CCDC66: variants seen among roughly 807,000 people sequenced by gnomAD.
CCDC66 encodes coiled-coil domain-containing protein 66.
CCDC66 carries 133 observed loss-of-function variants against 128.3 expected under a neutral mutation model. The ratio of observed to expected loss-of-function variants is 1.04; its 90% CI spans 0.90 to 1.20. CCDC66 has a LOEUF of 1.20. CCDC66 is among the 50% of genes most tolerant of loss of function. The pLI is 0.00. For missense variants in CCDC66, 1,126 were observed against 1,075.5 expected, an observed-to-expected ratio of 1.05 and a Z score of -0.66; for synonymous variants, 387 against 357.0, an observed-to-expected ratio of 1.08 and a Z score of -0.95.
chr3:56,560,200 T>G (rs540579381), intron 3 of CCDC66, among the ~76,000 whole-genome samples: 1 of 152,208 alleles, frequency 6.6e-6, no homozygotes, highest in African/African-American at 2.4e-5. Flanking sequence ...CAGAAATCTA[T>G]TGTGCTTTTT....
chr3:56,613,592 G>A lies in CCDC66; in HGVS notation c.1408G>A (p.Ala470Thr). 1 of 1,609,466 alleles carries A rather than the reference G, an allele frequency of 6.2e-7. No individual in the cohort carries two copies. The part of the protein sequence containing the change: ...RRQKQLEHQK[A>T]ITAQVEEKRR... ...TTACGTGATTGCTTATGACTAGAAAGCCATCACTGCCCAGGTAGAAGAGAA... is the reference window on the plus strand; with the variant it reads ...TTACGTGATTGCTTATGACTAGAAAACCATCACTGCCCAGGTAGAAGAGAA... The change falls in exon 11 of 18, where the codon GCC becomes ACC. Residue 470 changes from alanine to threonine, a missense_variant. Coordinates refer to ENST00000394672, the MANE Select transcript of CCDC66 (RefSeq NM_001141947.3).
chr3:56,589,497 G>A (rs937377770), intron 7 of CCDC66, among the ~76,000 whole-genome samples: 2 of 152,086 alleles, frequency 1.3e-5, no homozygotes, highest in Non-Finnish European at 2.9e-5. Context: ...AATAAATCAT[G>A]ATGAGTTGGG....
intron 3 of CCDC66, chr3:56,561,490 A>G (rs184903443): frequency 3.4e-5 from 11 of 323,390 alleles, no homozygotes; most frequent in African/African-American, 2.2e-4. Context: ...AAGAGTAACT[A>G]CTGTGTTCTC....
rs532958799 is a variant in CCDC66, at chr3:56,592,209, A to T, written c.937-761A>T. Among the ~76,000 whole-genome samples, 3 of 152,354 alleles carry T rather than the reference A, an allele frequency of 2.0e-5. No homozygotes were observed. In the East Asian group the frequency reaches 5.8e-4, roughly 29 times the overall value. ...TAGAGAGAGACATGATTCAATAGGGAAAGTCTCTTGCTCTCACACATCTTT... is the reference window on the plus strand; with the variant it reads ...TAGAGAGAGACATGATTCAATAGGGTAAGTCTCTTGCTCTCACACATCTTT... On this transcript the variant is annotated intron_variant, in intron 7 of 17. Coordinates refer to ENST00000394672, the MANE Select transcript of CCDC66 (RefSeq NM_001141947.3).
At chr3:56,584,361 C>T (rs1386874748) in intron 7 of CCDC66, among the ~76,000 whole-genome samples, 1 of 150,234 alleles carries the variant, frequency 6.7e-6, no homozygotes, top group Non-Finnish European at 1.5e-5. Flanking sequence ...TAGAGGGGCT[C>T]CTCACTTCTC....
chr3:56,587,213 TAA>T (rs2069937598), intron 7 of CCDC66, among the ~76,000 whole-genome samples: 1 of 151,872 alleles, frequency 6.6e-6, no homozygotes, highest in Non-Finnish European at 1.5e-5. Flanking sequence ...ATATTCAAAG[TAA>T]AAAGTGAGAA....
chr3:56,605,549 T>C (rs1026846238), intron 10 of CCDC66, among the ~76,000 whole-genome samples: 3 of 151,956 alleles, frequency 2.0e-5, no homozygotes, highest in Non-Finnish European at 4.4e-5. Flanking sequence ...TCTGCTGGAG[T>C]TTGCTGGAGG....
intron 2 of CCDC66, 129 bp from the exon 3 acceptor site, chr3:56,559,440 A>G (rs2064809510): frequency 1.7e-6 from 1 of 601,722 alleles, no homozygotes; most frequent in East Asian, 3.3e-5. Flanking sequence ...GTCAAGATCT[A>G]AAGTTTATGC....
intron 4 of CCDC66, among the ~76,000 whole-genome samples, chr3:56,566,129 T>C (rs1330830537): frequency 6.6e-6 from 1 of 151,940 alleles, no homozygotes; most frequent in African/African-American, 2.4e-5. Flanking sequence ...TTGTTTTGTT[T>C]TGTTTTGTTT....
rs150514072 is a variant in CCDC66, at chr3:56,603,480, G to A, written c.1404+9452G>A. Among the ~76,000 whole-genome samples, 1,403 of 152,062 alleles carry A rather than the reference G, an allele frequency of 9.2e-3. 39 individuals are homozygous for A. Among genetic ancestry groups the A allele is most frequent in the African/African-American group, 0.032 (1,310 of 41,400 alleles). ...AAATGTGTCCCATAGATTTTGGTACGTTGTCTCTTTGTTCTCATTGGTTTC... is the reference window on the plus strand; with the variant it reads ...AAATGTGTCCCATAGATTTTGGTACATTGTCTCTTTGTTCTCATTGGTTTC... On this transcript the variant is annotated intron_variant, in intron 10 of 17. Transcript: ENST00000394672.
rs148232314 is a variant in CCDC66, at chr3:56,575,190, G to A, written c.936+3888G>A. ...TTGTGTTAAACTGCTTTCCACAGCA[G>A]CTGTACCATGTATATTTCCATCAGC... On this transcript the variant is annotated intron_variant, in intron 7 of 17. Coordinates refer to ENST00000394672, the MANE Select transcript of CCDC66 (RefSeq NM_001141947.3). Among the ~76,000 whole-genome samples the A allele has an allele frequency of 5.8e-3, 887 of 151,912 alleles. 17 individuals carry two copies. Among genetic ancestry groups the A allele is most frequent in the African/African-American group, 0.021 (855 of 41,512 alleles).
chr3:56,597,085 G>A (rs1227888069), intron 10 of CCDC66, among the ~76,000 whole-genome samples: 1 of 151,828 alleles, frequency 6.6e-6, no homozygotes, highest in East Asian at 1.9e-4. Flanking sequence ...AATATGGTGA[G>A]AGATGGGGCT....
At chr3:56,609,694 T>G (rs1165919117) in intron 10 of CCDC66, among the ~76,000 whole-genome samples, 1 of 152,218 alleles carries the variant, frequency 6.6e-6, no homozygotes, top group Non-Finnish European at 1.5e-5. Context: ...TCCTCCTGTG[T>G]GATTTATGTT....
chr3:56,559,443 G>C, intron 2 of CCDC66, 126 bp from the exon 3 acceptor site: 1 of 613,472 alleles, frequency 1.6e-6, no homozygotes, highest in Admixed American at 3.8e-5. Context: ...AAGATCTAAA[G>C]TTTATGCTTT....
chr3:56,573,361 C>T (rs906811444), intron 7 of CCDC66, among the ~76,000 whole-genome samples: 63 of 152,198 alleles, frequency 4.1e-4, no homozygotes, highest in African/African-American at 1.5e-3. Flanking sequence ...TGCAGCATGG[C>T]CATTCTGACA....
Position 56,563,784 on chromosome 3 carries a change from T to G in CCDC66, c.203T>G (p.Leu68Trp). 1 of 1,551,986 alleles carries G rather than the reference T, an allele frequency of 6.4e-7. No individual in the cohort carries two copies. The highest frequency in any genetic ancestry group is 8.7e-7 in the Non-Finnish European group (1 of 1,147,030). ...ACTTGTATTGGGAGTGAAAAACTTT[T>G]GCAAAAGAAGCCAGTTGGTTCAGAA... ...QDTCIGSEKL[L>W]QKKPVGSETS... Residue 68 changes from leucine to tryptophan, a missense_variant, in exon 4 of 18, where the codon TTG becomes TGG. Leu to Trp is a moderately conservative substitution (Grantham distance 61). Coordinates refer to ENST00000394672, the MANE Select transcript of CCDC66 (RefSeq NM_001141947.3).
At chr3:56,611,068 C>T (rs1394571520) in intron 10 of CCDC66, among the ~76,000 whole-genome samples, 1 of 152,070 alleles carries the variant, frequency 6.6e-6, no homozygotes, top group Non-Finnish European at 1.5e-5. Context: ...TGGTGCTTTC[C>T]AGAAAGCATC....
chr3:56,572,560 A>C (rs2066781362), intron 7 of CCDC66: 1 of 84,336 alleles, frequency 1.2e-5, no homozygotes, highest in Non-Finnish European at 2.6e-5. Context: ...TGAGTGTATT[A>C]TGCTTCATTT....
At chr3:56,602,701 T>G (rs1016094775) in intron 10 of CCDC66, among the ~76,000 whole-genome samples, 3 of 151,940 alleles carry the variant, frequency 2.0e-5, no homozygotes, top group African/African-American at 7.3e-5. Context: ...TGGTTTAGAC[T>G]TGGGAGGGTG....
Sources: gnomAD v4.1 joint callset for allele counts (sites outside exome capture counted in the v4.1 genomes callset) on GRCh38, gnomAD v4.1.1 for gene constraint, MANE v1.5 for transcripts, NCBI Gene and HGNC (gene_info 2026-07-23, HGNC 2026-07-21) for gene names.